Variants in PLXDC2 observed in about 807,000 individuals in gnomAD.
The protein encoded by PLXDC2 is plexin domain-containing protein 2.
In PLXDC2, 40 loss-of-function variants were observed where a neutral mutation model predicts 68.9. The ratio of observed to expected loss-of-function variants is 0.58; its 90% CI spans 0.45 to 0.76. PLXDC2 has a LOEUF of 0.76. Ranked by LOEUF, PLXDC2 falls within the 30% of genes least tolerant of loss-of-function variation. PLXDC2 has a pLI of 0.00. For missense variants in PLXDC2, 644 were observed against 661.9 expected (o/e 0.97, Z 0.30); for synonymous variants, 243 against 234.2 (o/e 1.04, Z -0.34).
In PLXDC2 at chr10:19,895,251, C is replaced by A. The variant is rs897789891; in HGVS notation, c.112+78060C>A. Among the ~76,000 whole-genome samples the A allele has an allele frequency of 3.3e-5, 5 of 152,068 alleles. No individual in the cohort carries two copies. The South Asian group carries it at 1.0e-3, about 31-fold the overall frequency. ...GGTGTCACAGGGGCCAGGGGACAAA[C>A]CAGCCCAGCATGGTAGAGCTGGGCA... On this transcript the variant is annotated intron_variant, in intron 1 of 13. Transcript: ENST00000377252.
intron 9 of PLXDC2, among the ~76,000 whole-genome samples, chr10:20,187,828 C>A (rs1216385911): frequency 6.6e-6 from 1 of 151,726 alleles, no homozygotes; most frequent in Non-Finnish European, 1.5e-5. Flanking sequence ...ATTAAAAGAG[C>A]TGGGTTGAGT....
chr10:20,277,212 A>C (rs1836019742), intron 13 of PLXDC2, among the ~76,000 whole-genome samples: 3 of 48,800 alleles, frequency 6.1e-5, no homozygotes, highest in Admixed American at 1.6e-4. Flanking sequence ...CCATCTCAAA[A>C]AAAAAAAAAA....
At chr10:20,131,168 T>TTC (rs1367742897) in intron 4 of PLXDC2, among the ~76,000 whole-genome samples, 2 of 151,782 alleles carry the variant, frequency 1.3e-5, no homozygotes, top group Non-Finnish European at 2.9e-5. Flanking sequence ...ACTTGTTATT[T>TTC]TTTTTTTTTC....
rs112137113 is a variant in PLXDC2 at position 19,865,305 on chromosome 10, G to T, written c.112+48114G>T. 5.2e-3 allele frequency among the ~76,000 whole-genome samples: 785 copies of T among 152,272 alleles called. 3 individuals are homozygous for T. Among genetic ancestry groups the T allele is most frequent in the African/African-American group, 0.018 (733 of 41,568 alleles). Reference sequence around the variant, plus strand: ...GTTTCACTTTGGGTTAAAATCTTTTGCTTTCATATTGAGCTTAAGAGTTCA... The same window carrying T: ...GTTTCACTTTGGGTTAAAATCTTTTTCTTTCATATTGAGCTTAAGAGTTCA... On this transcript the variant is annotated intron_variant, in intron 1 of 13. Coordinates refer to ENST00000377252, the MANE Select transcript of PLXDC2 (RefSeq NM_032812.9).
intron 1 of PLXDC2, among the ~76,000 whole-genome samples, chr10:19,934,659 T>C (rs1833694087): frequency 6.6e-6 from 1 of 152,250 alleles, no homozygotes; most frequent in Admixed American, 6.5e-5. Flanking sequence ...GCATAGCTTC[T>C]ACTTCTTTTT....
rs1380447787 is a variant in PLXDC2, at chr10:19,913,871, A to G, written c.113-87904A>G. Among the ~76,000 whole-genome samples the G allele has an allele frequency of 2.0e-5, 3 of 152,292 alleles. No individual in the cohort carries two copies. In the East Asian group the frequency reaches 5.8e-4, roughly 29 times the overall value. ...GGAAATAGAAAAGTTAATTTCAACT[A>G]CAGCTTTTTATTTTAGTTCTACCCG... On this transcript the variant is annotated intron_variant, in intron 1 of 13. Coordinates refer to ENST00000377252, the MANE Select transcript of PLXDC2 (RefSeq NM_032812.9).
chr10:19,951,285 C>T (rs1833987504), intron 1 of PLXDC2, among the ~76,000 whole-genome samples: 1 of 152,076 alleles, frequency 6.6e-6, no homozygotes, highest in Non-Finnish European at 1.5e-5. Context: ...GAAACTTAAA[C>T]AATTCAACAA....
intron 4 of PLXDC2, among the ~76,000 whole-genome samples, chr10:20,138,645 G>T (rs571760872): frequency 6.6e-6 from 1 of 152,306 alleles, no homozygotes; most frequent in Non-Finnish European, 1.5e-5. Flanking sequence ...GGGTGCAGTG[G>T]CTCACACCTG....
chr10:20,183,246 A>G (rs1252622523), intron 9 of PLXDC2, among the ~76,000 whole-genome samples: 3 of 151,956 alleles, frequency 2.0e-5, no homozygotes, highest in African/African-American at 4.8e-5. Context: ...TAGAATCATT[A>G]TCATATAGAT....
At chr10:20,242,257 T>G (rs537060401) in intron 12 of PLXDC2, among the ~76,000 whole-genome samples, 1 of 152,322 alleles carries the variant, frequency 6.6e-6, no homozygotes, top group Admixed American at 6.5e-5. Flanking sequence ...CAACACATTT[T>G]AAGGGCAAAA....
intron 4 of PLXDC2, among the ~76,000 whole-genome samples, chr10:20,138,160 A>G (rs1833957732): frequency 6.6e-6 from 1 of 152,210 alleles, no homozygotes; most frequent in South Asian, 2.1e-4. Context: ...GTATCCAGAA[A>G]TATACCACAG....
chr10:20,189,763 A>G (rs1462971939), intron 9 of PLXDC2, among the ~76,000 whole-genome samples: 1 of 151,022 alleles, frequency 6.6e-6, no homozygotes, highest in Non-Finnish European at 1.5e-5. Context: ...AATAGTGTTG[A>G]ACTCTGTATA....
At chr10:19,982,253 A>G (rs937742132) in intron 1 of PLXDC2, among the ~76,000 whole-genome samples, 1 of 152,278 alleles carries the variant, frequency 6.6e-6, no homozygotes, top group African/African-American at 2.4e-5. Context: ...ACAACATGTC[A>G]CATGACTAAT....
At chr10:20,072,476 AGGAACAAAGAAAGAAAG>A in intron 4 of PLXDC2, among the ~76,000 whole-genome samples, 1 of 129,076 alleles carries the variant, frequency 7.7e-6, no homozygotes, top group Non-Finnish European at 1.7e-5. Flanking sequence ...GAAAGAAAGA[AGGAACAAAGAAAGAAAG>A]AGAAAGAAAG....
chr10:20,180,120 T>C (rs1399448248), intron 9 of PLXDC2, among the ~76,000 whole-genome samples: 3 of 152,048 alleles, frequency 2.0e-5, no homozygotes, highest in African/African-American at 7.2e-5. Flanking sequence ...TCGAGCAAAG[T>C]CTAAGACTTT....
chr10:19,901,562 A>G (rs959448832), intron 1 of PLXDC2, among the ~76,000 whole-genome samples: 1 of 152,018 alleles, frequency 6.6e-6, no homozygotes, highest in Non-Finnish European at 1.5e-5. Context: ...AGTTCTTTGT[A>G]GATTCTGGAT....
chr10:20,052,559 T>C (rs567709336), intron 3 of PLXDC2, among the ~76,000 whole-genome samples: 14 of 152,046 alleles, frequency 9.2e-5, no homozygotes, highest in Admixed American at 3.9e-4. Flanking sequence ...CCTTATTAAT[T>C]AGCTTTGCTC....
chr10:20,173,345 G>A (rs999375214), intron 7 of PLXDC2, among the ~76,000 whole-genome samples: 2 of 152,110 alleles, frequency 1.3e-5, no homozygotes, highest in Non-Finnish European at 2.9e-5. Context: ...AGCCAAGTTA[G>A]GAGATTTCTC....
chr10:19,985,685 A>G (rs1834624335), intron 1 of PLXDC2, among the ~76,000 whole-genome samples: 1 of 152,212 alleles, frequency 6.6e-6, no homozygotes, highest in Non-Finnish European at 1.5e-5. Flanking sequence ...TCTTCAGAAT[A>G]AAAGCATTGT....
Sources: gnomAD v4.1 joint callset for allele counts (sites outside exome capture counted in the v4.1 genomes callset) on GRCh38, gnomAD v4.1.1 for gene constraint, MANE v1.5 for transcripts, NCBI Gene and HGNC (gene_info 2026-07-23, HGNC 2026-07-21) for gene names.